Variants in CNTNAP2 observed in about 807,000 individuals in gnomAD.
CNTNAP2 encodes contactin-associated protein-like 2.
In CNTNAP2, 98 loss-of-function variants were observed where a neutral mutation model predicts 155.2. The observed-to-expected ratio is 0.63, with a 90% CI of 0.54 to 0.75. The LOEUF is 0.75. Ranked by LOEUF, CNTNAP2 falls within the 30% of genes least tolerant of loss-of-function variation. The probability of loss-of-function intolerance (pLI) is 0.00; values close to 1 mark genes in which losing one functional copy is unlikely to be tolerated. For missense variants in CNTNAP2, 1,727 were observed against 1,688.1 expected (o/e 1.02, Z -0.40); for synonymous variants, 651 against 631.2 (o/e 1.03, Z -0.47).
chr7:147,710,068 TTTG>T (rs1181584955), intron 13 of CNTNAP2, among the ~76,000 whole-genome samples: 2 of 152,140 alleles, frequency 1.3e-5, no homozygotes, highest in Non-Finnish European at 2.9e-5. Context: ...GTACACCAAC[TTTG>T]TTTTCTTTTT....
At chr7:146,479,091 G>GTGTA (rs948883282) in intron 1 of CNTNAP2, among the ~76,000 whole-genome samples, 9 of 151,994 alleles carry the variant, frequency 5.9e-5, no homozygotes, top group Non-Finnish European at 1.3e-4. Flanking sequence ...TGACAAGGGG[G>GTGTA]TGTACTTCAG....
chr7:147,605,820 A>T (rs1006005964), intron 12 of CNTNAP2, among the ~76,000 whole-genome samples: 2 of 152,016 alleles, frequency 1.3e-5, no homozygotes, highest in Admixed American at 1.3e-4. Context: ...TCAAAGCATC[A>T]TATTTTGGGG....
chr7:147,740,253 T>A (rs1248890999), intron 13 of CNTNAP2, among the ~76,000 whole-genome samples: 2 of 88,720 alleles, frequency 2.3e-5, no homozygotes, highest in African/African-American at 6.2e-5. Flanking sequence ...GTGTGATATG[T>A]GCAGCAAGCA....
intron 21 of CNTNAP2, among the ~76,000 whole-genome samples, chr7:148,281,029 G>T (rs934424330): frequency 2.0e-5 from 3 of 152,162 alleles, no homozygotes; most frequent in African/African-American, 7.2e-5. Context: ...GTCTCCTAGG[G>T]GCTAGTGCCA....
intron 11 of CNTNAP2, among the ~76,000 whole-genome samples, chr7:147,552,326 A>C (rs932858021): frequency 6.6e-6 from 1 of 152,192 alleles, no homozygotes; most frequent in Non-Finnish European, 1.5e-5. Context: ...ACAATTAAAA[A>C]TCAGTCCTAT....
At chr7:147,502,759 A>ATAT in intron 11 of CNTNAP2, among the ~76,000 whole-genome samples, 1 of 151,314 alleles carries the variant, frequency 6.6e-6, no homozygotes, top group African/African-American at 2.4e-5. Context: ...ATATATATAT[A>ATAT]AAACAAATCA....
At position 147,798,000 on chromosome 7, in the gene CNTNAP2, G is replaced by A. The variant is rs535737152; in HGVS notation, c.2099-105565G>A. Among the ~76,000 whole-genome samples, 22 of 151,966 alleles carry A rather than the reference G, an allele frequency of 1.4e-4. No individual in the cohort carries two copies. The South Asian group carries it at 2.5e-3, about 17-fold the overall frequency. On this transcript the variant is annotated intron_variant, in intron 13 of 23. Coordinates refer to ENST00000361727, the MANE Select transcript of CNTNAP2 (RefSeq NM_014141.6). ...GTACTTTTATATTCGTGTCTCTATC[G>A]TGGTAATACAGCCGTAACTTGTCTT...
At chr7:147,670,813 T>C (rs1795774787) in intron 13 of CNTNAP2, among the ~76,000 whole-genome samples, 1 of 152,076 alleles carries the variant, frequency 6.6e-6, no homozygotes, top group Admixed American at 6.5e-5. Flanking sequence ...ACCACTAGTG[T>C]GGATAAAAAA....
At chr7:147,472,950 T>C (rs1798251514) in intron 10 of CNTNAP2, among the ~76,000 whole-genome samples, 2 of 152,196 alleles carry the variant, frequency 1.3e-5, no homozygotes, top group Non-Finnish European at 2.9e-5. Context: ...CAACTAGAGA[T>C]ACAAGTTTAG....
At chr7:147,358,009 T>G (rs1043707005) in intron 9 of CNTNAP2, among the ~76,000 whole-genome samples, 2 of 152,194 alleles carry the variant, frequency 1.3e-5, no homozygotes, top group Non-Finnish European at 2.9e-5. Context: ...TTAATTGTAG[T>G]ATCTGTGAAA....
At chr7:146,352,666 G>A (rs1010473728) in intron 1 of CNTNAP2, among the ~76,000 whole-genome samples, 1 of 138,818 alleles carries the variant, frequency 7.2e-6, no homozygotes, top group Non-Finnish European at 1.5e-5. Flanking sequence ...ATCTTTGGGA[G>A]ATTTATTATA....
intron 16 of CNTNAP2, among the ~76,000 whole-genome samples, chr7:148,144,864 G>A (rs1021821124): frequency 6.6e-6 from 1 of 152,020 alleles, no homozygotes; most frequent in Admixed American, 6.6e-5. Context: ...CCTTTTATTC[G>A]CTCACTCTCT....
At chr7:148,265,756 A>C (rs1432661492) in intron 20 of CNTNAP2, among the ~76,000 whole-genome samples, 3 of 152,156 alleles carry the variant, frequency 2.0e-5, no homozygotes, top group Non-Finnish European at 4.4e-5. Context: ...TGTTCTTGAG[A>C]TGTGAGGACC....
chr7:147,281,292 T>C (rs1805027928), intron 8 of CNTNAP2, among the ~76,000 whole-genome samples: 1 of 151,800 alleles, frequency 6.6e-6, no homozygotes, highest in African/African-American at 2.4e-5. Context: ...CATAGATATC[T>C]CCCTTGAAAT....
At chr7:146,694,536 G>T (rs1258270218) in intron 1 of CNTNAP2, among the ~76,000 whole-genome samples, 2 of 152,130 alleles carry the variant, frequency 1.3e-5, no homozygotes, top group Non-Finnish European at 2.9e-5. Flanking sequence ...ATTGGGTAGG[G>T]TAGGTCCTCT....
intron 21 of CNTNAP2, among the ~76,000 whole-genome samples, chr7:148,368,255 C>T (rs1355428867): frequency 1.3e-5 from 2 of 152,020 alleles, no homozygotes; most frequent in African/African-American, 4.8e-5. Flanking sequence ...GGATTATCTG[C>T]AAGTTGAGGG....
intron 1 of CNTNAP2, among the ~76,000 whole-genome samples, chr7:146,724,655 C>G (rs982678320): frequency 6.7e-6 from 1 of 149,248 alleles, no homozygotes; most frequent in Non-Finnish European, 1.5e-5. Flanking sequence ...ACCGCAACCT[C>G]CGACTCCGTG....
chr7:148,087,520 A>C (rs920417627), intron 15 of CNTNAP2, among the ~76,000 whole-genome samples: 1 of 152,122 alleles, frequency 6.6e-6, no homozygotes, highest in African/African-American at 2.4e-5. Flanking sequence ...ACCATAATTC[A>C]TGCTCACTTT....
chr7:147,363,829 C>T (rs532781381), intron 9 of CNTNAP2, among the ~76,000 whole-genome samples: 42 of 152,288 alleles, frequency 2.8e-4, no homozygotes, highest in African/African-American at 9.6e-4. Flanking sequence ...TCAAAAACTA[C>T]ATCTAGCACA....
Sources: allele counts gnomAD v4.1 joint callset (sites outside exome capture counted in the v4.1 genomes callset), GRCh38; gene constraint gnomAD v4.1.1; transcripts MANE v1.5; gene names NCBI Gene and HGNC (gene_info 2026-07-23, HGNC 2026-07-21).